The following CDH13 variants were observed in gnomAD, a reference collection of about 807,000 sequenced individuals.
CDH13 encodes cadherin 13.
CDH13 carries 24 observed loss-of-function variants against 63.8 expected under a neutral mutation model. That is an observed-to-expected ratio of 0.38 (90% CI 0.27 to 0.53). The LOEUF (loss-of-function observed/expected upper bound fraction) is 0.53. Ranked by LOEUF, CDH13 falls within the 20% of genes least tolerant of loss-of-function variation. The pLI, the probability that CDH13 is intolerant of heterozygous loss-of-function variation, is 0.85. For synonymous variants in CDH13, 503 were observed against 355.3 expected, an observed-to-expected ratio of 1.42 and a Z score of -4.67; for missense variants, 1,049 against 903.1, an observed-to-expected ratio of 1.16 and a Z score of -2.07.
chr16:83,076,454 C>G (rs941875284), intron 3 of CDH13, among the ~76,000 whole-genome samples: 3 of 152,096 alleles, frequency 2.0e-5, no homozygotes, highest in African/African-American at 4.8e-5. Context: ...ATTAAGGGAG[C>G]CTGTCCTGAC....
At chr16:83,092,941 T>G (rs954364488) in intron 3 of CDH13, among the ~76,000 whole-genome samples, 8 of 152,218 alleles carry the variant, frequency 5.3e-5, no homozygotes, top group Non-Finnish European at 2.9e-5. Flanking sequence ...GCAAGATTTG[T>G]GTGGAATCTA....
intron 1 of CDH13, among the ~76,000 whole-genome samples, chr16:82,798,315 C>A (rs556263919): frequency 2.6e-5 from 4 of 152,170 alleles, no homozygotes; most frequent in African/African-American, 9.6e-5. Context: ...AATATTAGAA[C>A]TCAGGTCTGT....
chr16:83,246,488 T>C (rs151329573), intron 5 of CDH13, among the ~76,000 whole-genome samples: 1 of 152,298 alleles, frequency 6.6e-6, no homozygotes, highest in African/African-American at 2.4e-5. Context: ...ATCCTATCAT[T>C]GGCCTGGCAT....
At chr16:82,721,262 C>G (rs1370025156) in intron 1 of CDH13, among the ~76,000 whole-genome samples, 1 of 151,940 alleles carries the variant, frequency 6.6e-6, no homozygotes, top group Non-Finnish European at 1.5e-5. Context: ...CATACATAAA[C>G]AAAGGATCAT....
intron 6 of CDH13, among the ~76,000 whole-genome samples, chr16:83,362,574 T>C (rs2091182709): frequency 6.6e-6 from 1 of 152,182 alleles, no homozygotes; most frequent in Admixed American, 6.5e-5. Flanking sequence ...CCAGTGAGAT[T>C]GGGTATTACT....
intron 8 of CDH13, among the ~76,000 whole-genome samples, chr16:83,623,818 T>C (rs1003150671): frequency 7.9e-5 from 12 of 152,196 alleles, no homozygotes; most frequent in Non-Finnish European, 1.8e-4. Flanking sequence ...AATACCTCTT[T>C]TCCTTCAGCT....
intron 4 of CDH13, among the ~76,000 whole-genome samples, chr16:83,133,995 T>C (rs1291207991): frequency 6.6e-6 from 1 of 152,202 alleles, no homozygotes; most frequent in African/African-American, 2.4e-5. Context: ...GTATGGCTGA[T>C]TAACATAGAC....
At chr16:83,237,162 G>A (rs192694656) in intron 5 of CDH13, among the ~76,000 whole-genome samples, 4 of 152,260 alleles carry the variant, frequency 2.6e-5, no homozygotes, top group Non-Finnish European at 4.4e-5. Flanking sequence ...AGCCTAAAGC[G>A]GTGTTCAGTA....
chr16:83,691,658 C>G (rs1020155209), intron 10 of CDH13, among the ~76,000 whole-genome samples: 2 of 152,096 alleles, frequency 1.3e-5, no homozygotes, highest in South Asian at 2.1e-4. Context: ...CTTGGCAGCC[C>G]GACCGCAAAT....
rs116062587 is a variant in CDH13 at position 83,690,808 on chromosome 16, G to T, written c.1538+12347G>T. Among the ~76,000 whole-genome samples the T allele has an allele frequency of 7.4e-3, 1,129 of 152,176 alleles. 13 individuals carry two copies. The highest frequency in any genetic ancestry group is 0.026 in the African/African-American group (1,068 of 41,506). ...ACGATTTTGGCTCACTGCTACCTCT[G>T]CCTCCCAGGTGCCAGTGATTCTCGT... On this transcript the variant is annotated intron_variant, in intron 10 of 13. Coordinates refer to ENST00000567109, the MANE Select transcript of CDH13 (RefSeq NM_001257.5).
At chr16:83,260,902 A>C (rs972039198) in intron 5 of CDH13, among the ~76,000 whole-genome samples, 1 of 152,178 alleles carries the variant, frequency 6.6e-6, no homozygotes, top group Non-Finnish European at 1.5e-5. Flanking sequence ...ACTGACAGTG[A>C]AATGGATGCA....
At chr16:82,701,016 G>T (rs1196277556) in intron 1 of CDH13, among the ~76,000 whole-genome samples, 1 of 123,894 alleles carries the variant, frequency 8.1e-6, no homozygotes, top group East Asian at 2.4e-4. Flanking sequence ...GATAGCCCCA[G>T]TTGCATGTGC....
chr16:83,294,479 T>C (rs1428693386), intron 5 of CDH13, among the ~76,000 whole-genome samples: 2 of 152,158 alleles, frequency 1.3e-5, no homozygotes, highest in Admixed American at 6.5e-5. Flanking sequence ...CACATGGGAA[T>C]GAGACTATGT....
At position 83,047,199 on chromosome 16, in the gene CDH13, C is replaced by A. The variant is rs1394892581; in HGVS notation, c.366+14981C>A. On this transcript the variant is annotated intron_variant, in intron 3 of 13. Transcript: ENST00000567109. This position sits in a 1 kb window ranked among gnomAD's most constrained non-coding sequence, Gnocchi z 4.9. ...CTATAAGCAGACTTTATCTGAAGAC[C>A]ACCTCCTGCCCCTCACTCTTACTCC... Among the ~76,000 whole-genome samples the A allele has an allele frequency of 6.6e-6, 1 of 152,104 alleles. No homozygotes were observed. The highest frequency in any genetic ancestry group is 1.5e-5 in the Non-Finnish European group (1 of 68,028).
intron 5 of CDH13, among the ~76,000 whole-genome samples, chr16:83,263,941 A>G (rs16960013): frequency 0.24 from 36,811 of 152,154 alleles, 5,655 homozygotes; most frequent in African/African-American, 0.43. Flanking sequence ...CAGAGACTCA[A>G]TTTAACACTT....
intron 5 of CDH13, among the ~76,000 whole-genome samples, chr16:83,253,327 C>T (rs560871869): frequency 7.2e-5 from 11 of 152,266 alleles, no homozygotes; most frequent in African/African-American, 2.6e-4. Flanking sequence ...GCAGTGGATT[C>T]GACACATTAA....
At position 82,898,535 on chromosome 16, in the gene CDH13, A is replaced by G. The variant is rs761331957; in HGVS notation, c.157+40062A>G. On this transcript the variant is annotated intron_variant, in intron 2 of 13. Transcript: ENST00000567109. ...TTGAGACTCCATCTCAAAAAAATGA[A>G]CATATGGTTCCTATTATAATTCTCT... is the stretch of plus-strand genomic sequence containing the variant. 1.1e-4 allele frequency among the ~76,000 whole-genome samples: 17 copies of G among 152,318 alleles called. 1 individual carries two copies. Among genetic ancestry groups the G allele is most frequent in the Non-Finnish European group, 1.6e-4 (11 of 68,030 alleles).
chr16:82,958,391 G>A (rs1053187732), intron 2 of CDH13, among the ~76,000 whole-genome samples: 15 of 152,122 alleles, frequency 9.9e-5, no homozygotes, highest in South Asian at 2.1e-4. Context: ...GAGAGGATGC[G>A]GTGAAGAAAA....
At position 83,233,022 on chromosome 16, in the gene CDH13, G is replaced by A. The variant is rs535739232; in HGVS notation, c.636+15525G>A. Among the ~76,000 whole-genome samples the A allele has an allele frequency of 1.1e-4, 16 of 152,320 alleles. No homozygotes were observed. In the South Asian group the frequency reaches 3.3e-3, roughly 32 times the overall value. ...CAGTCTGGGACAGGCTCCCCAGGGA[G>A]CATTTTCATGGAGGTCAGTGTGAAC... On this transcript the variant is annotated intron_variant, in intron 5 of 13. Coordinates refer to ENST00000567109, the MANE Select transcript of CDH13 (RefSeq NM_001257.5).
Sources: allele counts gnomAD v4.1 joint callset (sites outside exome capture counted in the v4.1 genomes callset), GRCh38; gene constraint gnomAD v4.1.1; non-coding constraint Gnocchi (gnomAD v3.1); transcripts MANE v1.5; gene names NCBI Gene and HGNC (gene_info 2026-07-23, HGNC 2026-07-21).